The following VWA3B variants were observed in gnomAD, a reference collection of about 807,000 sequenced individuals.
VWA3B encodes the protein von Willebrand factor A domain-containing protein 3B.
VWA3B carries 138 observed loss-of-function variants against 158.3 expected under a neutral mutation model. The observed-to-expected ratio is 0.87, with a 90% CI of 0.76 to 1.00. The LOEUF (loss-of-function observed/expected upper bound fraction) is 1.00, where lower values mean the gene tolerates loss of function less well. VWA3B is among the 50% of genes least tolerant of loss of function. The pLI, the probability that VWA3B is intolerant of heterozygous loss-of-function variation, is 0.00. For missense variants in VWA3B, 1,555 were observed against 1,565.1 expected (o/e 0.99, Z 0.11); for synonymous variants, 596 against 587.3 (o/e 1.01, Z -0.21).
In VWA3B at chr2:98,200,700, A is replaced by G. The variant is rs554242417; in HGVS notation, c.1737+6208A>G. Among the ~76,000 whole-genome samples the G allele has an allele frequency of 2.0e-5, 3 of 152,334 alleles. No individual in the cohort carries two copies. In the South Asian group the frequency reaches 6.2e-4, roughly 32 times the overall value. On this transcript the variant is annotated intron_variant, in intron 12 of 27. Coordinates refer to ENST00000477737, the MANE Select transcript of VWA3B (RefSeq NM_144992.5). ...AAGTTTTTAATTTTGATAAAGTCGAAGTTGCCAAGTTTTCTTTACGGATTG... is the reference window on the plus strand; with the variant it reads ...AAGTTTTTAATTTTGATAAAGTCGAGGTTGCCAAGTTTTCTTTACGGATTG...
rs1690935948 is a variant in VWA3B at position 98,312,051 on chromosome 2, G to GA, written c.3735+21dup. ...GCCCAGGGTTTGGGTGATGGGGGGG[G>GA]AACACAACATCGCTTATCTCAGGAA... On this transcript the variant is annotated intron_variant, in intron 27 of 27. Transcript: ENST00000477737. 2 of 1,591,694 alleles carry GA rather than the reference G, an allele frequency of 1.3e-6. No individual in the cohort carries two copies. Among genetic ancestry groups the GA allele is most frequent in the Admixed American group, 1.8e-5 (1 of 56,268 alleles).
Position 98,093,192 on chromosome 2 carries a change from A to T in VWA3B, c.100A>T (p.Ile34Phe). 6.2e-7 allele frequency: 1 copy of T among 1,614,136 alleles called. No individual in the cohort carries two copies. The highest frequency in any genetic ancestry group is 8.5e-7 in the Non-Finnish European group (1 of 1,180,010). The change falls in exon 2 of 28, where the codon ATT becomes TTT. Residue 34 changes from isoleucine to phenylalanine, a missense_variant. Coordinates refer to ENST00000477737, the MANE Select transcript of VWA3B (RefSeq NM_144992.5). The stretch of plus-strand genomic sequence containing the variant: ...AACAGACTTGGCTGAGCAGAGTCTC[A>T]TTTCATCTGAGAAATGGCTTCAACT... ...TKTDLAEQSL[I>F]SSEKWLQLHG...
At position 98,217,875 on chromosome 2, in the gene VWA3B, A is replaced by G. The variant is rs1684161112; in HGVS notation, c.1866A>G (p.Lys622=). 1 of 1,610,248 alleles carries G rather than the reference A, an allele frequency of 6.2e-7. No individual in the cohort carries two copies. Among genetic ancestry groups the G allele is most frequent in the Non-Finnish European group, 8.5e-7 (1 of 1,178,750 alleles). ...CTGAAACAGTTATAGACCAGGTCAA[A>G]CGTTTTCAGGAAATTCCTATTTATA... ...QPPETVIDQV[K]RFQEIPIYTI... The change falls in exon 14 of 28, where the codon AAA becomes AAG. Residue 622 remains lysine, a synonymous_variant. Transcript: ENST00000477737.
At chr2:98,285,925 T>G (rs1689140821) in intron 22 of VWA3B, among the ~76,000 whole-genome samples, 1 of 152,136 alleles carries the variant, frequency 6.6e-6, no homozygotes, top group South Asian at 2.1e-4. Context: ...GGTATGTCAC[T>G]CTACTTATTA....
At chr2:98,145,419 G>A (rs1040541486) in intron 7 of VWA3B, among the ~76,000 whole-genome samples, 1 of 152,184 alleles carries the variant, frequency 6.6e-6, no homozygotes, top group African/African-American at 2.4e-5. Flanking sequence ...ACAGAAGGTG[G>A]TTGAGAAACT....
At chr2:98,284,878 G>A (rs891024147) in intron 22 of VWA3B, among the ~76,000 whole-genome samples, 1 of 152,164 alleles carries the variant, frequency 6.6e-6, no homozygotes, top group African/African-American at 2.4e-5. Context: ...TTTCGGCAGT[G>A]TAGCAATTTG....
intron 20 of VWA3B, among the ~76,000 whole-genome samples, chr2:98,252,603 T>A (rs1475865569): frequency 6.6e-6 from 1 of 152,098 alleles, no homozygotes; most frequent in African/African-American, 2.4e-5. Context: ...TTGTGAGGAT[T>A]ATGTAAATGA....
At chr2:98,267,696 G>T (rs961599288) in intron 21 of VWA3B, among the ~76,000 whole-genome samples, 3 of 151,960 alleles carry the variant, frequency 2.0e-5, no homozygotes, top group African/African-American at 7.2e-5. Flanking sequence ...AATCAGAGCA[G>T]AACTGAAGGA....
intron 9 of VWA3B, among the ~76,000 whole-genome samples, chr2:98,187,438 C>T (rs998579865): frequency 1.3e-5 from 2 of 151,752 alleles, no homozygotes; most frequent in Admixed American, 1.3e-4. Context: ...CAGTGGAGGG[C>T]GCTAGATGTG....
chr2:98,140,815 AAGAC>A (rs1676724653), intron 7 of VWA3B, among the ~76,000 whole-genome samples: 1 of 152,220 alleles, frequency 6.6e-6, no homozygotes, highest in Admixed American at 6.5e-5. Flanking sequence ...TAAGCAAAAT[AAGAC>A]AGAGTCACAT....
intron 7 of VWA3B, among the ~76,000 whole-genome samples, chr2:98,148,790 C>T (rs145039636): frequency 4.3e-4 from 65 of 152,346 alleles, no homozygotes; most frequent in African/African-American, 1.4e-3. Flanking sequence ...CTATATGACA[C>T]TTGCTCCTGG....
chr2:98,293,499 T>A (rs1461557808), intron 23 of VWA3B, among the ~76,000 whole-genome samples: 2 of 152,208 alleles, frequency 1.3e-5, no homozygotes, highest in African/African-American at 4.8e-5. Context: ...ATGATTTTTT[T>A]ATTAAAAATT....
intron 15 of VWA3B, chr2:98,229,098 TA>T (rs1245288583): frequency 1.3e-5 from 2 of 152,202 alleles, no homozygotes; most frequent in Non-Finnish European, 2.9e-5. Flanking sequence ...GTGGAATCAG[TA>T]AAAAGAGGTA....
At chr2:98,217,286 T>C (rs1223145443) in intron 13 of VWA3B, among the ~76,000 whole-genome samples, 1 of 152,160 alleles carries the variant, frequency 6.6e-6, no homozygotes, top group Non-Finnish European at 1.5e-5. Context: ...GCAGCTTCTC[T>C]GGGCTGTGGA....
At chr2:98,271,615 G>C (rs1379388112) in intron 22 of VWA3B, among the ~76,000 whole-genome samples, 1 of 152,116 alleles carries the variant, frequency 6.6e-6, no homozygotes, top group Non-Finnish European at 1.5e-5. Context: ...TCCATGGTGT[G>C]AGTATACCCT....
chr2:98,199,881 G>T (rs1682381431), intron 12 of VWA3B, among the ~76,000 whole-genome samples: 5 of 152,208 alleles, frequency 3.3e-5, no homozygotes, highest in Admixed American at 3.3e-4. Flanking sequence ...AAGTGAGATT[G>T]CTGGCCAGTA....
intron 7 of VWA3B, among the ~76,000 whole-genome samples, chr2:98,138,859 G>A (rs911926447): frequency 2.0e-5 from 3 of 152,218 alleles, no homozygotes; most frequent in Non-Finnish European, 2.9e-5. Flanking sequence ...TCACAGCCTC[G>A]CTCACTCTCA....
At chr2:98,247,049 G>A (rs1161257636) in intron 19 of VWA3B, among the ~76,000 whole-genome samples, 1 of 151,900 alleles carries the variant, frequency 6.6e-6, no homozygotes, top group African/African-American at 2.4e-5. Flanking sequence ...CCAGGCTGCA[G>A]TGTAGTGGTG....
At chr2:98,276,608 C>T (rs1017230045) in intron 22 of VWA3B, among the ~76,000 whole-genome samples, 1 of 152,148 alleles carries the variant, frequency 6.6e-6, no homozygotes, top group African/African-American at 2.4e-5. Flanking sequence ...GTGGCCACTG[C>T]GTTTGGAGTG....
Sources: gnomAD v4.1 joint callset for allele counts (sites outside exome capture counted in the v4.1 genomes callset) on GRCh38, gnomAD v4.1.1 for gene constraint, MANE v1.5 for transcripts, NCBI Gene and HGNC (gene_info 2026-07-23, HGNC 2026-07-21) for gene names.